ANK2: variants seen among roughly 807,000 people sequenced by gnomAD.
ANK2 encodes ankyrin 2, also known as ankyrin-2.
A neutral mutation model predicts 360.5 loss-of-function variants in ANK2; 83 were observed. That is an observed-to-expected ratio of 0.23 (90% confidence interval 0.19 to 0.28). The LOEUF (loss-of-function observed/expected upper bound fraction) is 0.28, where lower values mean the gene tolerates loss of function less well. Among genes scored for constraint, ANK2 ranks in the 10% least tolerant of loss-of-function variants. ANK2 has a pLI of 1.00. For synonymous variants in ANK2, 1,740 were observed against 1,759.5 expected, an observed-to-expected ratio of 0.99 and a Z score of 0.28; for missense variants, 4,201 against 4,795.7, an observed-to-expected ratio of 0.88 and a Z score of 3.66.
At chr4:113,080,095 C>T (rs1256193336) in intron 1 of ANK2, among the ~76,000 whole-genome samples, 1 of 152,000 alleles carries the variant, frequency 6.6e-6, no homozygotes, top group African/African-American at 2.4e-5. Flanking sequence ...GACGGGGTTT[C>T]GCCATGTTGA....
chr4:113,062,135 C>G (rs1251519704), intron 1 of ANK2, among the ~76,000 whole-genome samples: 1 of 152,054 alleles, frequency 6.6e-6, no homozygotes, highest in Non-Finnish European at 1.5e-5. Context: ...TTGTCTAAAG[C>G]AGAATTATTA....
At chr4:113,213,280 A>G (rs1266545860) in intron 4 of ANK2, among the ~76,000 whole-genome samples, 1 of 152,208 alleles carries the variant, frequency 6.6e-6, no homozygotes, top group Non-Finnish European at 1.5e-5. Context: ...TGATTTTTGA[A>G]GTGTCTATAA....
chr4:112,925,128 G>A (rs975235912), intron 2 of ANK2, among the ~76,000 whole-genome samples: 3 of 152,006 alleles, frequency 2.0e-5, no homozygotes, highest in African/African-American at 4.8e-5. Flanking sequence ...GTGAGCCACC[G>A]CACCTGGCCA....
chr4:112,810,143 ATATATATATATATATATTTT>A, the ANK2 span, among the ~76,000 whole-genome samples: 37 of 23,016 alleles, frequency 1.6e-3, no homozygotes, highest in Middle Eastern at 0.043. Flanking sequence ...ATATATATAT[ATATATATATATATATATTTT>A]TTTTTTTTTT....
intron 23 of ANK2, among the ~76,000 whole-genome samples, chr4:113,305,876 A>G (rs935260978): frequency 6.6e-6 from 1 of 152,192 alleles, no homozygotes; most frequent in African/African-American, 2.4e-5. Flanking sequence ...GAATGGCACT[A>G]TGTTTAATAC....
At chr4:112,868,181 G>A (rs530635315) in intron 1 of ANK2, among the ~76,000 whole-genome samples, 1 of 152,212 alleles carries the variant, frequency 6.6e-6, no homozygotes, top group East Asian at 1.9e-4. Flanking sequence ...TCATGTGCTT[G>A]TCAGGTCATT....
chr4:113,295,358 A>G (rs891536116), intron 22 of ANK2, among the ~76,000 whole-genome samples: 1 of 152,190 alleles, frequency 6.6e-6, no homozygotes, highest in Non-Finnish European at 1.5e-5. Flanking sequence ...CTGGTTTCAA[A>G]GAGATCTCAG....
At chr4:113,142,842 C>A (rs2096685498) in intron 1 of ANK2, among the ~76,000 whole-genome samples, 1 of 151,926 alleles carries the variant, frequency 6.6e-6, no homozygotes, top group African/African-American at 2.4e-5. Flanking sequence ...TTTTTTCGTT[C>A]TTAACAAAGC....
At chr4:112,920,035 A>G (rs1304153641) in intron 2 of ANK2, among the ~76,000 whole-genome samples, 3 of 152,116 alleles carry the variant, frequency 2.0e-5, no homozygotes, top group African/African-American at 7.2e-5. Context: ...GCCTTTTCAG[A>G]TCATTTGGTC....
Position 112,946,198 on chromosome 4 carries a change from A to G in ANK2, c.21+41684A>G, listed in dbSNP as rs181827013. On this transcript the variant is annotated intron_variant, in intron 2 of 30. Coordinates refer to the ANK2 transcript ENST00000503271. ...GGGGCTTGTTGAGCGGGAGACAGGA[A>G]TATCCCAGAACACAAACACCAGAGC... 4.6e-5 allele frequency among the ~76,000 whole-genome samples: 7 copies of G among 152,248 alleles called. No individual in the cohort carries two copies. In the East Asian group the frequency reaches 5.8e-4, roughly 13 times the overall value.
At chr4:113,137,002 C>T (rs2096449653) in intron 1 of ANK2, among the ~76,000 whole-genome samples, 2 of 152,058 alleles carry the variant, frequency 1.3e-5, no homozygotes, top group Non-Finnish European at 2.9e-5. Flanking sequence ...AAGTGATCCA[C>T]CCGCCTTGGC....
At chr4:113,034,418 T>C (rs896888610) in intron 2 of ANK2, 1 of 152,014 alleles carries the variant, frequency 6.6e-6, no homozygotes, top group Non-Finnish European at 1.5e-5. Context: ...AAAGAAAATA[T>C]TCAGGAGAAA....
At chr4:112,873,336 A>G (rs1022251402) in intron 1 of ANK2, among the ~76,000 whole-genome samples, 4 of 151,906 alleles carry the variant, frequency 2.6e-5, no homozygotes, top group African/African-American at 9.7e-5. Flanking sequence ...TGTTTATAAA[A>G]TAGGCATTTA....
chr4:112,731,209 T>C, the ANK2 span, among the ~76,000 whole-genome samples: 1 of 149,998 alleles, frequency 6.7e-6, no homozygotes, highest in Non-Finnish European at 1.5e-5. Context: ...GAGGATTGCT[T>C]GAGCCTGGGA....
chr4:113,146,131 C>G (rs931752875), intron 1 of ANK2: 1 of 1,012,984 alleles, frequency 9.9e-7, no homozygotes, highest in African/African-American at 1.7e-5. Context: ...GTGATCAAAC[C>G]ACCTGACTAC....
At chr4:112,754,097 CA>C in the ANK2 span, among the ~76,000 whole-genome samples, 2,350 of 65,150 alleles carry the variant, frequency 0.036, 99 homozygotes, top group African/African-American at 0.13. Flanking sequence ...GACTCTGTCT[CA>C]AAAAAAAAAA....
At chr4:113,301,058 T>C (rs2153788440) in intron 22 of ANK2, among the ~76,000 whole-genome samples, 1 of 152,330 alleles carries the variant, frequency 6.6e-6, no homozygotes, top group Non-Finnish European at 1.5e-5. Context: ...TTTCAAACAA[T>C]TATCTAACAT....
intron 1 of ANK2, among the ~76,000 whole-genome samples, chr4:113,162,851 A>C (rs1418001962): frequency 6.6e-6 from 1 of 151,744 alleles, no homozygotes. Flanking sequence ...CATAGTAGGT[A>C]CTTCAAAAAT....
chr4:113,256,919 T>TAGTG (rs1410410146), intron 11 of ANK2, among the ~76,000 whole-genome samples: 1 of 152,256 alleles, frequency 6.6e-6, no homozygotes, highest in Non-Finnish European at 1.5e-5. Flanking sequence ...TTTAATTGGA[T>TAGTG]AGTGGTCAAT....
Sources: allele counts gnomAD v4.1 joint callset (sites outside exome capture counted in the v4.1 genomes callset), GRCh38; gene constraint gnomAD v4.1.1; transcripts MANE v1.5; gene names NCBI Gene and HGNC (gene_info 2026-07-23, HGNC 2026-07-21).